ALKBH3: variants seen among roughly 807,000 people sequenced by gnomAD.
ALKBH3 encodes the protein alkB homolog 3, alpha-ketoglutarate dependent dioxygenase, also known as alpha-ketoglutarate-dependent dioxygenase alkB homolog 3.
In ALKBH3, 51 loss-of-function variants were observed where a neutral mutation model predicts 43.9. That is an observed-to-expected ratio of 1.16 (90% confidence interval 0.93 to 1.47). The LOEUF (loss-of-function observed/expected upper bound fraction) is 1.47. Ranked by LOEUF, ALKBH3 falls within the 40% of genes most tolerant of loss-of-function variation. ALKBH3 has a pLI of 0.00. For missense variants in ALKBH3, 361 were observed against 351.9 expected (o/e 1.03, Z -0.21); for synonymous variants, 102 against 115.2 (o/e 0.89, Z 0.73).
chr11:43,899,290 G>T, intron 7 of ALKBH3: 2 of 708,346 alleles, frequency 2.8e-6, no homozygotes, highest in South Asian at 2.8e-5. Context: ...GCTCGCATGT[G>T]ACCACGTGGC....
At chr11:43,910,978 G>A (rs1446393855) in intron 8 of ALKBH3, among the ~76,000 whole-genome samples, 1 of 152,060 alleles carries the variant, frequency 6.6e-6, no homozygotes, top group Non-Finnish European at 1.5e-5. Flanking sequence ...CTCAGCTCTG[G>A]GGATATAGCA....
intron 7 of ALKBH3, among the ~76,000 whole-genome samples, chr11:43,896,309 A>G (rs1951818649): frequency 6.6e-6 from 1 of 151,788 alleles, no homozygotes; most frequent in Admixed American, 6.6e-5. Context: ...ACGTATATAT[A>G]TAAAGGGGAG....
chr11:43,882,998 C>A, intron 2 of ALKBH3, 87 bp from the exon 3 acceptor site: 1 of 1,064,746 alleles, frequency 9.4e-7, no homozygotes, highest in South Asian at 1.4e-5. Context: ...AGATCATCTC[C>A]AAGTGGGCTT....
At chr11:43,918,914 G>A in intron 8 of ALKBH3, 124 bp from the exon 9 acceptor site, 1 of 717,756 alleles carries the variant, frequency 1.4e-6, no homozygotes. Flanking sequence ...AAATGACAGA[G>A]CTATATATGG....
chr11:43,890,714 A>G (rs1951777933), intron 6 of ALKBH3, among the ~76,000 whole-genome samples: 2 of 152,164 alleles, frequency 1.3e-5, no homozygotes, highest in African/African-American at 4.8e-5. Context: ...CAATACAAAA[A>G]TTAGCCAGGC....
intron 7 of ALKBH3, chr11:43,898,238 A>T: frequency 1.1e-6 from 1 of 875,772 alleles, no homozygotes. Flanking sequence ...CAGGAGACCC[A>T]CAAGGGTGAA....
At chr11:43,913,043 A>G (rs942630255) in intron 8 of ALKBH3, among the ~76,000 whole-genome samples, 2 of 151,248 alleles carry the variant, frequency 1.3e-5, no homozygotes, top group African/African-American at 4.9e-5. Flanking sequence ...ACATATTTAC[A>G]TATTGATCAA....
Position 43,882,603 on chromosome 11 carries a change from A to G in ALKBH3, c.-50A>G, listed in dbSNP as rs1446913590. 1.9e-6 allele frequency: 3 copies of G among 1,565,888 alleles called. No homozygotes were observed. Among genetic ancestry groups the G allele is most frequent in the Admixed American group, 3.9e-5 (2 of 51,288 alleles). Reference sequence around the variant, plus strand: ...AACAGATACCATGGAGTAGTTTGAAACAGGAACAAAATCTTCTGAAAGCTC... The same window carrying G: ...AACAGATACCATGGAGTAGTTTGAAGCAGGAACAAAATCTTCTGAAAGCTC... On this transcript the variant is annotated 5_prime_UTR_variant, in exon 2 of 10. Coordinates refer to ENST00000302708, the MANE Select transcript of ALKBH3 (RefSeq NM_139178.4).
At chr11:43,900,904 T>C (rs1256424888) in intron 7 of ALKBH3, among the ~76,000 whole-genome samples, 1 of 152,234 alleles carries the variant, frequency 6.6e-6, no homozygotes, top group African/African-American at 2.4e-5. Flanking sequence ...ATGGCTCATA[T>C]ACTTGTCAAG....
intron 7 of ALKBH3, among the ~76,000 whole-genome samples, chr11:43,899,814 G>A (rs1185066697): frequency 6.6e-6 from 1 of 151,392 alleles, no homozygotes; most frequent in Non-Finnish European, 1.5e-5. Flanking sequence ...CAGAGCACAA[G>A]GGCTCTCTTG....
chr11:43,892,321 A>G (rs1301805097), intron 7 of ALKBH3, among the ~76,000 whole-genome samples, 192 bp downstream of exon 7: 1 of 152,222 alleles, frequency 6.6e-6, no homozygotes, highest in Non-Finnish European at 1.5e-5. Context: ...AACTAGAACT[A>G]GAGTAAACTG....
chr11:43,897,782 C>T (rs757880281), intron 7 of ALKBH3: 11 of 823,240 alleles, frequency 1.3e-5, no homozygotes, highest in Non-Finnish European at 2.2e-5. Flanking sequence ...ATACCGTTCA[C>T]CCTGAAAATG....
At chr11:43,910,910 A>G (rs1590379758) in intron 8 of ALKBH3, among the ~76,000 whole-genome samples, 1 of 152,034 alleles carries the variant, frequency 6.6e-6, no homozygotes, top group East Asian at 1.9e-4. Context: ...GTCTTCTCTC[A>G]TTCTCCCCTC....
At chr11:43,914,593 T>C (rs1031569083) in intron 8 of ALKBH3, among the ~76,000 whole-genome samples, 1 of 151,768 alleles carries the variant, frequency 6.6e-6, no homozygotes, top group African/African-American at 2.4e-5. Context: ...GGAAATACAG[T>C]TGTATATTTA....
intron 7 of ALKBH3, chr11:43,898,278 C>A: frequency 1.3e-6 from 1 of 751,112 alleles, no homozygotes; most frequent in Admixed American, 2.0e-5. Flanking sequence ...TTCTTCAGTT[C>A]CTATGTGCAT....
At chr11:43,901,374 T>G in intron 7 of ALKBH3, 142 bp from the exon 8 acceptor site, 1 of 823,830 alleles carries the variant, frequency 1.2e-6, no homozygotes, top group South Asian at 1.8e-5. Flanking sequence ...GCCTTCTGTT[T>G]ATTGCATTCC....
At position 43,883,078 on chromosome 11, in the gene ALKBH3, G is replaced by A. The variant is rs774562616; in HGVS notation, c.80-7G>A. Reference sequence around the variant, plus strand: ...CTGGTTTGAGGCTGTCCCCTCTCTTGCTTCAGCTACCACTGCTAAGAGCCA... The same window carrying A: ...CTGGTTTGAGGCTGTCCCCTCTCTTACTTCAGCTACCACTGCTAAGAGCCA... On this transcript the variant is annotated splice_polypyrimidine_tract_variant and splice_region_variant and intron_variant, in intron 2 of 9. Transcript: ENST00000302708. 6.2e-7 allele frequency: 1 copy of A among 1,612,770 alleles called. No homozygotes were observed. Among genetic ancestry groups the A allele is most frequent in the Non-Finnish European group, 8.5e-7 (1 of 1,179,050 alleles).
chr11:43,890,876 A>G (rs531745544), intron 6 of ALKBH3, among the ~76,000 whole-genome samples: 3 of 152,316 alleles, frequency 2.0e-5, no homozygotes, highest in Middle Eastern at 6.8e-3. Context: ...AAAAAATAAA[A>G]TAACTATCAT....
intron 5 of ALKBH3, among the ~76,000 whole-genome samples, chr11:43,887,935 C>T (rs563617799): frequency 4.6e-5 from 7 of 151,294 alleles, no homozygotes; most frequent in Admixed American, 1.3e-4. Context: ...ACTACAGGCA[C>T]GTGCCACCAT....
Sources: allele counts gnomAD v4.1 joint callset (sites outside exome capture counted in the v4.1 genomes callset), GRCh38; gene constraint gnomAD v4.1.1; transcripts MANE v1.5; gene names NCBI Gene and HGNC (gene_info 2026-07-23, HGNC 2026-07-21).